The following TBC1D8 variants were observed in gnomAD, a reference collection of about 807,000 sequenced individuals.
TBC1D8 encodes TBC1 domain family member 8, also known as BUB2-like protein 1.
A neutral mutation model predicts 118.8 loss-of-function variants in TBC1D8; 65 were observed. That is an observed-to-expected ratio of 0.55 (90% confidence interval 0.45 to 0.67). The LOEUF is 0.67. TBC1D8 is among the 30% of genes least tolerant of loss of function. TBC1D8 has a pLI of 0.00. For synonymous variants in TBC1D8, 566 were observed against 595.8 expected (o/e 0.95, Z 0.73); for missense variants, 1,376 against 1,471.2 (o/e 0.94, Z 1.06).
chr2:101,031,238 A>G (rs1287152616), intron 11 of TBC1D8, among the ~76,000 whole-genome samples: 1 of 152,208 alleles, frequency 6.6e-6, no homozygotes, highest in Admixed American at 6.5e-5. Flanking sequence ...AAAGGGAAGC[A>G]AGCCAGCTAG....
chr2:101,077,562 T>TAAAC (rs1211401666), intron 2 of TBC1D8, among the ~76,000 whole-genome samples: 2 of 152,100 alleles, frequency 1.3e-5, no homozygotes, highest in Admixed American at 1.3e-4. Context: ...TACATCCTTT[T>TAAAC]AAACAACGAG....
intron 10 of TBC1D8, among the ~76,000 whole-genome samples, chr2:101,033,122 A>ATTT (rs67349426): frequency 0.49 from 72,780 of 148,082 alleles, 18,064 homozygotes; most frequent in Middle Eastern, 0.67. Flanking sequence ...CACTCGGTAA[A>ATTT]TTTTTTTTTT....
rs369643576 is a variant in TBC1D8 at position 101,007,590 on chromosome 2, G to T, written c.*231C>A. 285 of 519,084 alleles carry T rather than the reference G, an allele frequency of 5.5e-4. No homozygotes were observed. Among genetic ancestry groups the T allele is most frequent in the Admixed American group, 1.2e-3 (34 of 28,412 alleles). 32.2% of individuals were successfully genotyped at this position (519,084 alleles called of 1,614,324 possible). A position where few individuals can be genotyped will look rare whatever the true frequency, so the allele number is the denominator to read the frequency against. ...CATTTCAGCAAATCCGGTAAAAATT[G>T]TAAGTTGGCATCAAGGGAACCAATG... is the stretch of plus-strand genomic sequence containing the variant. On this transcript the variant is annotated 3_prime_UTR_variant, in exon 20 of 20. Coordinates refer to ENST00000409318, the MANE Select transcript of TBC1D8 (RefSeq NM_001330348.2).
chr2:101,025,578 G>GT (rs1404862152), intron 15 of TBC1D8, among the ~76,000 whole-genome samples: 1 of 152,116 alleles, frequency 6.6e-6, no homozygotes, highest in Non-Finnish European at 1.5e-5. Context: ...GAAAAAAATG[G>GT]TTTTTTCTTT....
At chr2:101,074,104 T>C (rs1402710421) in intron 2 of TBC1D8, among the ~76,000 whole-genome samples, 1 of 152,256 alleles carries the variant, frequency 6.6e-6, no homozygotes, top group Non-Finnish European at 1.5e-5. Flanking sequence ...TTTTTAGCTT[T>C]TGATATAAAG....
intron 2 of TBC1D8, among the ~76,000 whole-genome samples, chr2:101,089,829 A>G (rs923926374): frequency 6.6e-6 from 1 of 151,932 alleles, no homozygotes; most frequent in African/African-American, 2.4e-5. Flanking sequence ...TTCGTTATCG[A>G]CAATATACGA....
At chr2:101,115,558 C>G (rs1195877026) in intron 1 of TBC1D8, among the ~76,000 whole-genome samples, 1 of 152,054 alleles carries the variant, frequency 6.6e-6, no homozygotes, top group Non-Finnish European at 1.5e-5. Flanking sequence ...CAAGACCAGC[C>G]TGGCCAACAC....
At chr2:101,146,232 A>T (rs1380027402) in intron 1 of TBC1D8, among the ~76,000 whole-genome samples, 1 of 152,202 alleles carries the variant, frequency 6.6e-6, no homozygotes, top group Non-Finnish European at 1.5e-5. Context: ...ACTAACTCAA[A>T]GCCTCTCAGT....
chr2:101,048,689 T>C (rs72821069), intron 5 of TBC1D8, among the ~76,000 whole-genome samples: 17,021 of 151,384 alleles, frequency 0.11, 1,180 homozygotes, highest in Middle Eastern at 0.16. Flanking sequence ...CCCCCACACA[T>C]TGAGAAAAGA....
intron 5 of TBC1D8, among the ~76,000 whole-genome samples, chr2:101,045,856 G>A (rs1349116716): frequency 6.6e-6 from 1 of 152,136 alleles, no homozygotes; most frequent in Non-Finnish European, 1.5e-5. Context: ...TAGCCAGCAT[G>A]GTGGTGCACA....
At chr2:101,021,129 C>G (rs564477055) in intron 17 of TBC1D8, among the ~76,000 whole-genome samples, 1 of 152,262 alleles carries the variant, frequency 6.6e-6, no homozygotes, top group East Asian at 1.9e-4. Context: ...GGGGACAGAG[C>G]CCTCTGGGAT....
intron 4 of TBC1D8, among the ~76,000 whole-genome samples, chr2:101,053,169 T>C (rs1195095735): frequency 6.6e-6 from 1 of 152,204 alleles, no homozygotes; most frequent in Non-Finnish European, 1.5e-5. Flanking sequence ...TGAAGGATGA[T>C]GGATGAATAG....
intron 15 of TBC1D8, among the ~76,000 whole-genome samples, chr2:101,027,018 G>A (rs1029242691): frequency 2.3e-4 from 35 of 152,204 alleles, no homozygotes; most frequent in African/African-American, 6.8e-4. Context: ...ATTATCAGGT[G>A]ATGATTTCAA....
At chr2:101,058,516 C>T (rs767802737) in intron 3 of TBC1D8, among the ~76,000 whole-genome samples, 1 of 152,092 alleles carries the variant, frequency 6.6e-6, no homozygotes, top group African/African-American at 2.4e-5. Flanking sequence ...TCTCCCAACC[C>T]GATGGGGCTT....
chr2:101,103,037 T>C (rs113797865), intron 1 of TBC1D8, among the ~76,000 whole-genome samples: 1 of 152,040 alleles, frequency 6.6e-6, no homozygotes, highest in Admixed American at 6.6e-5. Flanking sequence ...TCCTGTAATA[T>C]AGTAAAATCA....
chr2:101,030,718 T>C (rs1285744094), intron 11 of TBC1D8, among the ~76,000 whole-genome samples: 2 of 152,222 alleles, frequency 1.3e-5, no homozygotes, highest in Non-Finnish European at 2.9e-5. Flanking sequence ...ATTGCTACTT[T>C]ATCATATTCC....
At chr2:101,124,767 C>T (rs1177487103) in intron 1 of TBC1D8, among the ~76,000 whole-genome samples, 1 of 152,124 alleles carries the variant, frequency 6.6e-6, no homozygotes, top group Non-Finnish European at 1.5e-5. Flanking sequence ...GAAGTACTTG[C>T]AGTTCATTAC....
intron 1 of TBC1D8, among the ~76,000 whole-genome samples, chr2:101,123,470 G>A (rs1317777214): frequency 2.6e-5 from 4 of 152,042 alleles, no homozygotes; most frequent in Admixed American, 1.3e-4. Flanking sequence ...AAATATTGTG[G>A]AGCCACTGCC....
chr2:101,071,232 C>T (rs1484498719), intron 2 of TBC1D8, among the ~76,000 whole-genome samples: 1 of 152,016 alleles, frequency 6.6e-6, no homozygotes, highest in African/African-American at 2.4e-5. Context: ...ATAGTCCCAG[C>T]TACTCGGGAG....
Sources: gnomAD v4.1 joint callset for allele counts (sites outside exome capture counted in the v4.1 genomes callset) on GRCh38, gnomAD v4.1.1 for gene constraint, MANE v1.5 for transcripts, NCBI Gene and HGNC (gene_info 2026-07-23, HGNC 2026-07-21) for gene names.